The following SRSF11 variants were observed in gnomAD, a reference collection of about 807,000 sequenced individuals.
SRSF11 encodes the protein serine/arginine-rich splicing factor 11.
In SRSF11, 9 loss-of-function variants were observed where a neutral mutation model predicts 56.0. That is an observed-to-expected ratio of 0.16 (90% confidence interval 0.10 to 0.28). The LOEUF (loss-of-function observed/expected upper bound fraction) is 0.28. Ranked by LOEUF, SRSF11 falls within the 10% of genes least tolerant of loss-of-function variation. The pLI, the probability that SRSF11 is intolerant of heterozygous loss-of-function variation, is 1.00. For missense variants in SRSF11, 421 were observed against 600.7 expected (o/e 0.70, Z 3.13); for synonymous variants, 222 against 215.3 (o/e 1.03, Z -0.27).
chr1:70,220,201 G>C (rs1281753246), upstream of SRSF11, among the ~76,000 whole-genome samples: 11 of 152,206 alleles, frequency 7.2e-5, no homozygotes. Flanking sequence ...AAAAGAGGAA[G>C]CCCTAACAGC....
chr1:70,224,181 T>G (rs920250884), intron 1 of SRSF11, among the ~76,000 whole-genome samples: 2 of 152,174 alleles, frequency 1.3e-5, no homozygotes, highest in Admixed American at 1.3e-4. Context: ...CATCATGTTA[T>G]ATAAGAGACT....
chr1:70,250,519 G>A lies in SRSF11; in HGVS notation c.1257+16G>A, dbSNP rs778572039. 6.2e-7 allele frequency: 1 copy of A among 1,606,340 alleles called. No homozygotes were observed. The highest frequency in any genetic ancestry group is 8.5e-7 in the Non-Finnish European group (1 of 1,176,076). The stretch of plus-strand genomic sequence containing the variant: ...AGATGTAAAAGTATGTTTACAAATT[G>A]ATTTATTTTTATATTTGGGGTGATG... On this transcript the variant is annotated intron_variant, in intron 11 of 11. Transcript: ENST00000370949.
At chr1:70,226,431 A>T (rs895580885) in intron 1 of SRSF11, among the ~76,000 whole-genome samples, 1 of 152,194 alleles carries the variant, frequency 6.6e-6, no homozygotes, top group Non-Finnish European at 1.5e-5. Flanking sequence ...TAGGAAAAAA[A>T]ATATGAGTCA....
At chr1:70,218,123 C>A (rs1010392779), upstream of SRSF11, among the ~76,000 whole-genome samples, 3 of 152,248 alleles carry the variant, frequency 2.0e-5, no homozygotes, top group South Asian at 6.2e-4. Flanking sequence ...TGCTACCACA[C>A]CCAGCTAATT....
intron 8 of SRSF11, among the ~76,000 whole-genome samples, chr1:70,246,439 A>G (rs1040170214): frequency 3.3e-5 from 5 of 152,042 alleles, no homozygotes; most frequent in Admixed American, 6.6e-5. Context: ...GTAGTGCTCT[A>G]TGGGTTTTGG....
intron 1 of SRSF11, among the ~76,000 whole-genome samples, chr1:70,223,169 CA>C (rs2100615675): frequency 6.6e-6 from 1 of 152,150 alleles, no homozygotes; most frequent in African/African-American, 2.4e-5. Flanking sequence ...AATTAATGAA[CA>C]GTAAAATAGC....
intron 7 of SRSF11, among the ~76,000 whole-genome samples, chr1:70,243,076 T>C (rs990460482): frequency 6.6e-6 from 1 of 152,080 alleles, no homozygotes; most frequent in Non-Finnish European, 1.5e-5. Flanking sequence ...ATTGAGGCAT[T>C]ACTATGGGTT....
intron 1 of SRSF11, among the ~76,000 whole-genome samples, chr1:70,223,281 T>G (rs145573920): frequency 0.019 from 2,820 of 152,266 alleles, 34 homozygotes; most frequent in South Asian, 0.064. Flanking sequence ...AGTTAAAAAT[T>G]TTGTTATGGT....
intron 1 of SRSF11, among the ~76,000 whole-genome samples, chr1:70,225,634 G>A (rs532579726): frequency 8.5e-5 from 13 of 152,218 alleles, no homozygotes; most frequent in Admixed American, 3.3e-4. Flanking sequence ...AGACCCTTAG[G>A]TGAACAACGG....
intron 1 of SRSF11, among the ~76,000 whole-genome samples, chr1:70,209,740 C>CCTTT (rs1669373589): frequency 3.3e-4 from 9 of 27,476 alleles, no homozygotes; most frequent in African/African-American, 1.3e-3. Context: ...CACCTCGCTT[C>CCTTT]TTTTTTTTTT....
At chr1:70,218,174 T>G (rs778407565), upstream of SRSF11, among the ~76,000 whole-genome samples, 3 of 152,150 alleles carry the variant, frequency 2.0e-5, no homozygotes, top group Non-Finnish European at 4.4e-5. Context: ...TTCACCATGT[T>G]AGCCAGGATG....
chr1:70,230,699 C>A, intron 2 of SRSF11: 2 of 982,194 alleles, frequency 2.0e-6, no homozygotes, highest in Non-Finnish European at 2.6e-6. Flanking sequence ...AGATGCATGA[C>A]TTTTTTTTTT....
At chr1:70,233,236 G>T (rs1382773103) in intron 3 of SRSF11, among the ~76,000 whole-genome samples, 3 of 150,824 alleles carry the variant, frequency 2.0e-5, no homozygotes, top group Non-Finnish European at 3.0e-5. Context: ...TTTGTTTTTT[G>T]TTTTGTTTGT....
At chr1:70,245,759 TATA>T (rs1418368338) in intron 8 of SRSF11, among the ~76,000 whole-genome samples, 4 of 152,028 alleles carry the variant, frequency 2.6e-5, no homozygotes, top group African/African-American at 4.8e-5. Flanking sequence ...GTCAGAAAAA[TATA>T]ATGAGACCGA....
chr1:70,215,871 C>T (rs184576354), intron 1 of SRSF11, among the ~76,000 whole-genome samples: 1 of 152,328 alleles, frequency 6.6e-6, no homozygotes, highest in East Asian at 1.9e-4. Context: ...CAACCTCCAC[C>T]TCCCAGGTTC....
rs1677891049 is a variant in SRSF11, at chr1:70,251,125, T to A, written c.*320T>A. 4.4e-6 allele frequency: 1 copy of A among 229,558 alleles called. No homozygotes were observed. Among genetic ancestry groups the A allele is most frequent in the African/African-American group, 2.3e-5 (1 of 44,436 alleles). 14.2% of individuals were successfully genotyped at this position (229,558 alleles called of 1,614,324 possible). On this transcript the variant is annotated 3_prime_UTR_variant, in exon 12 of 12. Coordinates refer to ENST00000370949, the MANE Select transcript of SRSF11 (RefSeq NM_001350605.2). ...GATTGTTTATGTCGTATGATATCCT[T>A]TATTAAGTAAGTTCACTTATAGTAT...
chr1:70,246,827 G>A lies in SRSF11; in HGVS notation c.942G>A (p.Lys314=). Residue 314 remains lysine, a synonymous_variant, in exon 9 of 12, where the codon AAG becomes AAA. Coordinates refer to ENST00000370949, the MANE Select transcript of SRSF11 (RefSeq NM_001350605.2). ...TGTGTTCATTTGTTAGAGACAAAAAGAAAGAAGACAAAGAAAAGAAACGTT... is the reference window on the plus strand; with the variant it reads ...TGTGTTCATTTGTTAGAGACAAAAAAAAAGAAGACAAAGAAAAGAAACGTT... ...SRSTSKTRDK[K]KEDKEKKRSK... 6.2e-7 allele frequency: 1 copy of A among 1,605,810 alleles called. No homozygotes were observed. Among genetic ancestry groups the A allele is most frequent in the Non-Finnish European group, 8.5e-7 (1 of 1,176,336 alleles).
intron 7 of SRSF11, 39 bp from the exon 8 acceptor site, chr1:70,244,645 C>T: frequency 6.3e-7 from 1 of 1,588,490 alleles, no homozygotes; most frequent in Non-Finnish European, 8.6e-7. Context: ...AGTCTTTTTA[C>T]ATTTATACAC....
chr1:70,217,824 A>G (rs886087974), upstream of SRSF11, among the ~76,000 whole-genome samples: 1 of 152,194 alleles, frequency 6.6e-6, no homozygotes, highest in Non-Finnish European at 1.5e-5. Context: ...ACAGACATTA[A>G]CATAATTATT....
Sources: gnomAD v4.1 joint callset for allele counts (sites outside exome capture counted in the v4.1 genomes callset) on GRCh38, gnomAD v4.1.1 for gene constraint, MANE v1.5 for transcripts, NCBI Gene and HGNC (gene_info 2026-07-23, HGNC 2026-07-21) for gene names.